The following ROBO1 variants were observed in gnomAD, a reference collection of about 807,000 sequenced individuals.
The protein encoded by ROBO1 is roundabout homolog 1.
In ROBO1, 149 loss-of-function variants were observed where a neutral mutation model predicts 195.9. The observed-to-expected ratio is 0.76, with a 90% CI of 0.67 to 0.87. The LOEUF (loss-of-function observed/expected upper bound fraction) is 0.87. ROBO1 is among the 40% of genes least tolerant of loss of function. The pLI, the probability that ROBO1 is intolerant of heterozygous loss-of-function variation, is 0.00. For missense variants in ROBO1, 1,933 were observed against 2,068.3 expected, an observed-to-expected ratio of 0.93 and a Z score of 1.27; for synonymous variants, 816 against 733.2, an observed-to-expected ratio of 1.11 and a Z score of -1.82.
chr3:79,622,303 G>A (rs1431766020), intron 1 of ROBO1, among the ~76,000 whole-genome samples: 2 of 152,232 alleles, frequency 1.3e-5, no homozygotes, highest in African/African-American at 2.4e-5. Context: ...ACCTGCTTAA[G>A]CCTCCTGAAC....
rs997814835 is a variant in ROBO1 at position 78,664,090 on chromosome 3, A to T, written c.1967-1976T>A. 2.6e-5 allele frequency among the ~76,000 whole-genome samples: 4 copies of T among 152,322 alleles called. No homozygotes were observed. In the South Asian group the frequency reaches 6.2e-4, roughly 24 times the overall value. ...ATAACATTATAATAGAAATGTTCACAGCAGAGAGAAAAAGGGAAAGTGACA... is the reference window on the plus strand; with the variant it reads ...ATAACATTATAATAGAAATGTTCACTGCAGAGAGAAAAAGGGAAAGTGACA... On this transcript the variant is annotated intron_variant, in intron 14 of 30. Coordinates refer to ENST00000464233, the MANE Select transcript of ROBO1 (RefSeq NM_002941.4).
At chr3:78,644,561 A>G (rs950457453) in intron 21 of ROBO1, among the ~76,000 whole-genome samples, 10 of 152,200 alleles carry the variant, frequency 6.6e-5, no homozygotes, top group African/African-American at 2.4e-4. Context: ...ACTATTTGAA[A>G]TAAATCAGTT....
rs527857332 is a variant in ROBO1 at position 79,575,321 on chromosome 3, C to CAT, written c.88+14501_88+14502dup. 5.0e-5 allele frequency among the ~76,000 whole-genome samples: 5 copies of CAT among 100,820 alleles called. No individual in the cohort carries two copies. In the East Asian group the frequency reaches 1.3e-3, roughly 26 times the overall value. 66.1% of individuals were successfully genotyped at this position (100,820 alleles called of 152,430 possible). ...CAAATATATATAAATATATATATAA[C>CAT]ATATATATAAATATATATAACCAAT... On this transcript the variant is annotated intron_variant, in intron 2 of 30. Transcript: ENST00000464233.
intron 27 of ROBO1, 110 bp downstream of exon 27, chr3:78,617,525 T>C: frequency 1.9e-6 from 2 of 1,077,922 alleles, no homozygotes; most frequent in East Asian, 2.8e-5. Context: ...AAAAAAACTG[T>C]AAGAATAGAT....
At chr3:79,675,574 C>T (rs1402761067) in intron 1 of ROBO1, among the ~76,000 whole-genome samples, 1 of 151,934 alleles carries the variant, frequency 6.6e-6, no homozygotes, top group Non-Finnish European at 1.5e-5. Flanking sequence ...AAGAGAAATA[C>T]CAAGGTGATC....
chr3:79,444,312 G>T (rs1039635958), intron 2 of ROBO1, among the ~76,000 whole-genome samples: 7 of 151,770 alleles, frequency 4.6e-5, no homozygotes, highest in African/African-American at 1.7e-4. Context: ...TTTTGAATGG[G>T]CAAAAGTCAT....
chr3:79,366,683 T>G (rs1161005881), intron 2 of ROBO1, among the ~76,000 whole-genome samples: 2 of 152,184 alleles, frequency 1.3e-5, no homozygotes, highest in African/African-American at 2.4e-5. Flanking sequence ...ATTTGTTCAA[T>G]GATTTAATTA....
At chr3:79,139,003 G>T (rs1018951248) in intron 2 of ROBO1, among the ~76,000 whole-genome samples, 3 of 151,688 alleles carry the variant, frequency 2.0e-5, no homozygotes, top group East Asian at 3.9e-4. Flanking sequence ...CTCAAAAAAA[G>T]TAGAATAACT....
chr3:79,691,725 T>C (rs1178029008), intron 1 of ROBO1, among the ~76,000 whole-genome samples: 1 of 151,942 alleles, frequency 6.6e-6, no homozygotes, highest in Non-Finnish European at 1.5e-5. Flanking sequence ...GCAAGTTCTT[T>C]TTTAATAACT....
chr3:78,722,193 GA>G (rs1006651670), intron 5 of ROBO1, among the ~76,000 whole-genome samples: 3 of 152,084 alleles, frequency 2.0e-5, no homozygotes, highest in African/African-American at 7.2e-5. Flanking sequence ...AATATAGATA[GA>G]AAAACTGTTT....
intron 4 of ROBO1, among the ~76,000 whole-genome samples, chr3:78,777,824 A>T (rs1020567942): frequency 1.3e-5 from 2 of 152,216 alleles, no homozygotes; most frequent in Admixed American, 1.3e-4. Context: ...AATACCCTTT[A>T]TTTCTTTCTC....
rs747155572 is a variant in ROBO1 at position 78,688,722 on chromosome 3, G to C, written c.1096C>G (p.Arg366Gly). The C allele has an allele frequency of 6.2e-7, 1 of 1,608,582 alleles. No homozygotes were observed. The highest frequency in any genetic ancestry group is 1.3e-5 in the African/African-American group (1 of 74,800). Reference protein sequence around the residue: ...KPRDQVVALGRTVTFQCEATG... With the variant: ...KPRDQVVALGGTVTFQCEATG... Reference sequence around the variant, plus strand: ...GCTTCACACTGAAAAGTTACAGTCCGTCCCAAAGCAACAACCTGGTCACGG... The same window carrying C: ...GCTTCACACTGAAAAGTTACAGTCCCTCCCAAAGCAACAACCTGGTCACGG... The change falls in exon 9 of 31, where the codon CGG becomes GGG. Residue 366 changes from arginine (R) to glycine (G), a missense_variant. Around this residue, in one of 3 missense-constraint regions of ROBO1, gnomAD observed 1,737 missense variants for 1,882.5 expected, o/e 0.92. Coordinates refer to ENST00000464233, the MANE Select transcript of ROBO1 (RefSeq NM_002941.4).
In ROBO1 at chr3:79,259,607, T is replaced by C. The variant is rs1024527361; in HGVS notation, c.89-134068A>G. On this transcript the variant is annotated intron_variant, in intron 2 of 30. Transcript: ENST00000464233. Reference sequence around the variant, plus strand: ...CCCCACTAGCATTCCCAGCCTCTGGTGATCATCTTTCTACTCTCTATATCC... The same window carrying C: ...CCCCACTAGCATTCCCAGCCTCTGGCGATCATCTTTCTACTCTCTATATCC... Among the ~76,000 whole-genome samples, 4 of 152,148 alleles carry C rather than the reference T, an allele frequency of 2.6e-5. No homozygotes were observed. In the East Asian group the frequency reaches 7.8e-4, roughly 30 times the overall value.
At chr3:79,481,089 C>A (rs1000347439) in intron 2 of ROBO1, among the ~76,000 whole-genome samples, 2 of 151,934 alleles carry the variant, frequency 1.3e-5, no homozygotes, top group South Asian at 4.2e-4. Flanking sequence ...TCACATTCTG[C>A]ATAATTTATA....
At chr3:78,963,542 G>A (rs908008724) in intron 3 of ROBO1, among the ~76,000 whole-genome samples, 4 of 99,720 alleles carry the variant, frequency 4.0e-5, no homozygotes, top group Admixed American at 3.2e-4. Flanking sequence ...TTTTTGAGAC[G>A]GAGTCTCGCT....
chr3:79,058,889 C>G (rs879336631), intron 3 of ROBO1, among the ~76,000 whole-genome samples: 13 of 152,038 alleles, frequency 8.6e-5, no homozygotes, highest in Admixed American at 8.5e-4. Context: ...TTATAATGGG[C>G]CTAAATACAG....
At chr3:79,145,299 T>A (rs939134138) in intron 2 of ROBO1, among the ~76,000 whole-genome samples, 20 of 151,698 alleles carry the variant, frequency 1.3e-4, no homozygotes, top group Non-Finnish European at 2.7e-4. Context: ...TAATCTCAAC[T>A]TTTTAGATTT....
chr3:78,624,817 G>T lies in ROBO1; in HGVS notation c.3875+2504C>A, dbSNP rs116320166. Among the ~76,000 whole-genome samples, 1,364 of 152,104 alleles carry T rather than the reference G, an allele frequency of 9.0e-3. 16 individuals are homozygous for T. The highest frequency in any genetic ancestry group is 0.031 in the African/African-American group (1,300 of 41,506). ...GAGTAAAGAAGAGGGGTTGACTTTT[G>T]CCAGGCAAGCAGAGGACGTGTCCTT... On this transcript the variant is annotated intron_variant, in intron 26 of 30. Coordinates refer to ENST00000464233, the MANE Select transcript of ROBO1 (RefSeq NM_002941.4).
chr3:78,969,788 G>C (rs1382925695), intron 3 of ROBO1, among the ~76,000 whole-genome samples: 1 of 152,018 alleles, frequency 6.6e-6, no homozygotes, highest in Non-Finnish European at 1.5e-5. Context: ...AAATCATATG[G>C]ACACAAACTT....
Sources: gnomAD v4.1 joint callset for allele counts (sites outside exome capture counted in the v4.1 genomes callset) on GRCh38, gnomAD v4.1.1 for gene constraint, gnomAD v4.1.1 regional missense constraint, MANE v1.5 for transcripts, NCBI Gene and HGNC (gene_info 2026-07-23, HGNC 2026-07-21) for gene names.